The following RANBP17 variants were observed in gnomAD, a reference collection of about 807,000 sequenced individuals.
RANBP17 encodes the protein RAN binding protein 17.
Under a neutral mutation model 141.2 loss-of-function variants are expected in RANBP17, and 158 were observed. The observed-to-expected ratio is 1.12, with a 90% CI of 0.98 to 1.28. RANBP17 has a LOEUF of 1.28. Among genes scored for constraint, RANBP17 ranks in the 50% most tolerant of loss-of-function variants. The pLI is 0.00. For missense variants in RANBP17, 1,438 were observed against 1,290.7 expected (o/e 1.11, Z -1.75); for synonymous variants, 430 against 450.0 (o/e 0.96, Z 0.56).
chr5:170,970,811 G>A (rs1776934826), intron 14 of RANBP17, among the ~76,000 whole-genome samples: 1 of 151,900 alleles, frequency 6.6e-6, no homozygotes. Flanking sequence ...TGTTCGTTTT[G>A]TCTGTGTTCT....
At chr5:170,987,128 T>C (rs1025025561) in intron 14 of RANBP17, among the ~76,000 whole-genome samples, 9 of 151,946 alleles carry the variant, frequency 5.9e-5, no homozygotes, top group Admixed American at 2.6e-4. Context: ...TTAATACCTT[T>C]TAAACACTAA....
At chr5:171,166,420 A>G (rs1215179347) in intron 14 of RANBP17, among the ~76,000 whole-genome samples, 1 of 147,966 alleles carries the variant, frequency 6.8e-6, no homozygotes, top group Non-Finnish European at 1.5e-5. Flanking sequence ...TGTGGACTGA[A>G]AGTGAGTTTT....
chr5:171,126,854 C>T (rs1214398240), intron 14 of RANBP17, among the ~76,000 whole-genome samples: 2 of 152,116 alleles, frequency 1.3e-5, no homozygotes, highest in East Asian at 1.9e-4. Flanking sequence ...AAAGAAGAGC[C>T]CAGGACTGCA....
At chr5:171,256,575 C>T (rs1020935886) in intron 24 of RANBP17, among the ~76,000 whole-genome samples, 5 of 151,904 alleles carry the variant, frequency 3.3e-5, no homozygotes, top group Non-Finnish European at 5.9e-5. Context: ...CAGAGCAGAG[C>T]TAAATGAAGT....
chr5:170,991,406 C>T (rs943125298), intron 14 of RANBP17, among the ~76,000 whole-genome samples: 3 of 151,724 alleles, frequency 2.0e-5, no homozygotes, highest in Non-Finnish European at 2.9e-5. Context: ...AAAAAGCAAC[C>T]CAATTGTTGC....
At chr5:170,893,853 T>C (rs1433950600) in intron 4 of RANBP17, among the ~76,000 whole-genome samples, 1 of 152,060 alleles carries the variant, frequency 6.6e-6, no homozygotes, top group Non-Finnish European at 1.5e-5. Flanking sequence ...ATTGGCAGTT[T>C]TGATTAATAG....
intron 25 of RANBP17, among the ~76,000 whole-genome samples, chr5:171,279,707 G>T (rs1050987077): frequency 6.6e-6 from 1 of 151,748 alleles, no homozygotes; most frequent in Non-Finnish European, 1.5e-5. Flanking sequence ...AGGCCAACAC[G>T]GATTTTTTTT....
chr5:170,933,097 TTG>T (rs920162810), intron 12 of RANBP17, among the ~76,000 whole-genome samples: 1 of 152,218 alleles, frequency 6.6e-6, no homozygotes, highest in African/African-American at 2.4e-5. Context: ...GAACCTGTTA[TTG>T]GTCTATTCAG....
rs1334350098 is a variant in RANBP17 at position 171,299,631 on chromosome 5, T to C, written c.*773T>C. The C allele has an allele frequency of 4.3e-6, 1 of 230,386 alleles. No individual in the cohort carries two copies. The highest frequency in any genetic ancestry group is 2.2e-5 in the African/African-American group (1 of 45,160). The allele number at this position is 230,386 out of a possible 1,614,324, so 14.3% of individuals were successfully genotyped here. On this transcript the variant is annotated 3_prime_UTR_variant, in exon 28 of 28. Transcript: ENST00000523189. ...CCTCCATTTAATTTTTAAGAGAAGGTGAAGGTAACTATTAGAATATAATAT... is the reference window on the plus strand; with the variant it reads ...CCTCCATTTAATTTTTAAGAGAAGGCGAAGGTAACTATTAGAATATAATAT...
intron 14 of RANBP17, among the ~76,000 whole-genome samples, chr5:171,062,718 T>C (rs894554753): frequency 3.9e-5 from 6 of 152,244 alleles, no homozygotes; most frequent in Non-Finnish European, 7.3e-5. Context: ...CCTTTCTAGA[T>C]TGGGGAAGTT....
intron 14 of RANBP17, among the ~76,000 whole-genome samples, chr5:171,020,783 A>T (rs1407215957): frequency 6.6e-6 from 1 of 152,030 alleles, no homozygotes; most frequent in Non-Finnish European, 1.5e-5. Flanking sequence ...TTTAAGGTTA[A>T]TATTGTTATG....
At chr5:170,865,592 G>C (rs949400169) in intron 1 of RANBP17, among the ~76,000 whole-genome samples, 2 of 152,140 alleles carry the variant, frequency 1.3e-5, no homozygotes, top group Non-Finnish European at 2.9e-5. Context: ...TTGATCTACT[G>C]TCTGTGAATA....
At chr5:170,877,557 C>T (rs944509428) in intron 1 of RANBP17, among the ~76,000 whole-genome samples, 3 of 152,098 alleles carry the variant, frequency 2.0e-5, no homozygotes, top group African/African-American at 4.8e-5. Flanking sequence ...TCACCATGCC[C>T]GGCCTTAAAT....
chr5:171,213,771 T>C, intron 21 of RANBP17, 33 bp downstream of exon 21: 2 of 1,451,916 alleles, frequency 1.4e-6, no homozygotes, highest in Non-Finnish European at 1.9e-6. Flanking sequence ...AGAAAAACAG[T>C]CTACTATTAG....
intron 14 of RANBP17, among the ~76,000 whole-genome samples, chr5:171,003,156 G>A (rs1779344647): frequency 6.6e-6 from 1 of 152,158 alleles, no homozygotes; most frequent in Non-Finnish European, 1.5e-5. Context: ...TGGTTAAAAA[G>A]GCTACAGAGT....
chr5:171,034,739 T>A (rs1035738719), intron 14 of RANBP17, among the ~76,000 whole-genome samples: 59 of 152,332 alleles, frequency 3.9e-4, no homozygotes, highest in African/African-American at 1.2e-3. Flanking sequence ...TATTAAATCT[T>A]TAAAATACTC....
At chr5:170,995,370 A>G (rs915098100) in intron 14 of RANBP17, among the ~76,000 whole-genome samples, 1 of 152,116 alleles carries the variant, frequency 6.6e-6, no homozygotes, top group Non-Finnish European at 1.5e-5. Context: ...TTGTTCTCCA[A>G]TTTATTTTGT....
intron 25 of RANBP17, among the ~76,000 whole-genome samples, chr5:171,272,532 A>C (rs1412440195): frequency 1.3e-5 from 2 of 152,154 alleles, no homozygotes; most frequent in Non-Finnish European, 2.9e-5. Flanking sequence ...AAAAAATAGG[A>C]AACATTCCCA....
chr5:170,930,289 A>G (rs957359898), intron 12 of RANBP17, among the ~76,000 whole-genome samples: 3 of 151,894 alleles, frequency 2.0e-5, no homozygotes, highest in African/African-American at 7.2e-5. Context: ...AAAACATTTA[A>G]AGCTATCAAT....
Sources: allele counts gnomAD v4.1 joint callset (sites outside exome capture counted in the v4.1 genomes callset), GRCh38; gene constraint gnomAD v4.1.1; transcripts MANE v1.5; gene names NCBI Gene and HGNC (gene_info 2026-07-23, HGNC 2026-07-21).